HDAC9: variants seen among roughly 807,000 people sequenced by gnomAD.
The protein encoded by HDAC9 is histone deacetylase 9, also known as MEF-2 interacting transcription repressor (MITR) protein.
A neutral mutation model predicts 139.4 loss-of-function variants in HDAC9; 41 were observed. That is an observed-to-expected ratio of 0.29 (90% CI 0.23 to 0.38). The LOEUF is 0.38. Ranked by LOEUF, HDAC9 falls within the 10% of genes least tolerant of loss-of-function variation. The probability of loss-of-function intolerance (pLI) is 1.00; values close to 1 mark genes in which losing one functional copy is unlikely to be tolerated. For synonymous variants in HDAC9, 517 were observed against 476.2 expected (o/e 1.09, Z -1.12); for missense variants, 1,147 against 1,297.0 (o/e 0.88, Z 1.78).
intron 1 of HDAC9, among the ~76,000 whole-genome samples, chr7:18,152,742 C>T (rs1008247995): frequency 1.3e-5 from 2 of 152,182 alleles, no homozygotes; most frequent in Non-Finnish European, 2.9e-5. Context: ...CTAACTTGCT[C>T]CTGTGCAAAA....
chr7:18,184,075 T>C (rs1004975193), intron 2 of HDAC9, among the ~76,000 whole-genome samples: 14 of 152,192 alleles, frequency 9.2e-5, no homozygotes, highest in African/African-American at 3.4e-4. Context: ...ATTTTGTATT[T>C]GTTTGGATTT....
chr7:18,192,117 C>T (rs540980608), intron 2 of HDAC9, among the ~76,000 whole-genome samples: 5 of 152,106 alleles, frequency 3.3e-5, no homozygotes, highest in East Asian at 3.9e-4. Flanking sequence ...TGAACCCGGC[C>T]GGGGGGCGGG....
intron 11 of HDAC9, among the ~76,000 whole-genome samples, chr7:18,658,769 C>T (rs1215578916): frequency 1.3e-5 from 2 of 151,622 alleles, no homozygotes; most frequent in East Asian, 1.9e-4. Context: ...ACAGTTGGTC[C>T]ATACCTAATC....
chr7:18,983,523 T>A (rs1785095988), intron 25 of HDAC9, among the ~76,000 whole-genome samples: 1 of 152,198 alleles, frequency 6.6e-6, no homozygotes, highest in Non-Finnish European at 1.5e-5. Flanking sequence ...TCTTGAGGAA[T>A]CTAAATCTCT....
intron 13 of HDAC9, among the ~76,000 whole-genome samples, chr7:18,744,429 C>A (rs956597473): frequency 3.3e-5 from 5 of 152,152 alleles, no homozygotes; most frequent in Admixed American, 6.5e-5. Context: ...CTGTGCTAGT[C>A]CTTTGTCCAG....
At chr7:18,569,616 C>T (rs1823586563) in intron 2 of HDAC9, among the ~76,000 whole-genome samples, 1 of 152,076 alleles carries the variant, frequency 6.6e-6, no homozygotes, top group Admixed American at 6.5e-5. Context: ...TGAGTTCTGC[C>T]AGAAATAGAA....
At chr7:18,778,412 C>T (rs1001611626) in intron 16 of HDAC9, among the ~76,000 whole-genome samples, 1 of 151,976 alleles carries the variant, frequency 6.6e-6, no homozygotes, top group Admixed American at 6.6e-5. Context: ...TTTCACACAC[C>T]TACTGAGTCA....
At position 18,441,909 on chromosome 7, in the gene HDAC9, G is replaced by A. The variant is rs376743430; in HGVS notation, c.-41-54353G>A. Among the ~76,000 whole-genome samples the A allele has an allele frequency of 2.0e-3, 298 of 151,944 alleles. 2 individuals are homozygous for A. Among genetic ancestry groups the A allele is most frequent in the African/African-American group, 5.8e-3 (240 of 41,488 alleles). On this transcript the variant is annotated intron_variant, in intron 1 of 3. Coordinates refer to the HDAC9 transcript ENST00000413509. ...CAGCCTCCCGAGTAGCTGGGACTACGGGCGCCCGCTACCACGCCCGGCTAA... is the reference window on the plus strand; with the variant it reads ...CAGCCTCCCGAGTAGCTGGGACTACAGGCGCCCGCTACCACGCCCGGCTAA...
intron 12 of HDAC9, among the ~76,000 whole-genome samples, chr7:18,697,114 C>G (rs1004896864): frequency 2.4e-4 from 37 of 152,092 alleles, no homozygotes; most frequent in Admixed American, 2.0e-3. Flanking sequence ...ATTCAAAGTC[C>G]CAAATACTTA....
chr7:18,184,865 T>A (rs1789782098), intron 2 of HDAC9, among the ~76,000 whole-genome samples: 1 of 152,220 alleles, frequency 6.6e-6, no homozygotes, highest in Non-Finnish European at 1.5e-5. Flanking sequence ...GTCACATTTT[T>A]ATTAAAATTT....
At chr7:18,972,484 G>A (rs1303614595) in intron 24 of HDAC9, among the ~76,000 whole-genome samples, 1 of 148,566 alleles carries the variant, frequency 6.7e-6, no homozygotes, top group Non-Finnish European at 1.5e-5. Context: ...GGGTTCAAAG[G>A]ATTCTCCTGC....
intron 1 of HDAC9, among the ~76,000 whole-genome samples, chr7:18,111,712 T>A (rs898145395): frequency 6.6e-6 from 1 of 152,236 alleles, no homozygotes; most frequent in Non-Finnish European, 1.5e-5. Flanking sequence ...ATATTTTGCA[T>A]TTGCAATTGA....
chr7:18,482,295 G>A (rs988829568), intron 1 of HDAC9, among the ~76,000 whole-genome samples: 1 of 144,358 alleles, frequency 6.9e-6, no homozygotes, highest in Non-Finnish European at 1.5e-5. Flanking sequence ...TGCAATTTCA[G>A]CTGCTTGAGA....
chr7:18,364,372 G>A (rs1448592891), intron 1 of HDAC9, among the ~76,000 whole-genome samples: 1 of 152,088 alleles, frequency 6.6e-6, no homozygotes, highest in South Asian at 2.1e-4. Context: ...GCTCAAAATA[G>A]TACTATTACT....
chr7:18,717,138 C>T (rs985013631), intron 12 of HDAC9, among the ~76,000 whole-genome samples: 1 of 151,950 alleles, frequency 6.6e-6, no homozygotes, highest in Admixed American at 6.6e-5. Context: ...GGGGGCAATA[C>T]TTCATCTCCT....
intron 2 of HDAC9, among the ~76,000 whole-genome samples, chr7:18,256,314 A>T (rs1298660850): frequency 5.3e-5 from 8 of 152,224 alleles, no homozygotes; most frequent in African/African-American, 1.9e-4. Context: ...TATAATAATA[A>T]TAATACTGCA....
At chr7:18,817,490 C>T (rs940025099) in intron 17 of HDAC9, among the ~76,000 whole-genome samples, 1 of 152,110 alleles carries the variant, frequency 6.6e-6, no homozygotes, top group African/African-American at 2.4e-5. Context: ...TGTAATAGAA[C>T]ATTTGGATCT....
At chr7:18,744,875 C>T (rs751686971) in intron 13 of HDAC9, among the ~76,000 whole-genome samples, 8 of 151,876 alleles carry the variant, frequency 5.3e-5, no homozygotes, top group Non-Finnish European at 8.8e-5. Context: ...ATATATAATA[C>T]GTATTTTCTA....
At chr7:18,145,100 T>G (rs956333513) in intron 1 of HDAC9, among the ~76,000 whole-genome samples, 2 of 152,334 alleles carry the variant, frequency 1.3e-5, no homozygotes, top group African/African-American at 4.8e-5. Context: ...TCCTGAAGAT[T>G]TATTCAGGTG....
Sources: allele counts gnomAD v4.1 joint callset (sites outside exome capture counted in the v4.1 genomes callset), GRCh38; gene constraint gnomAD v4.1.1; transcripts MANE v1.5; gene names NCBI Gene and HGNC (gene_info 2026-07-23, HGNC 2026-07-21).